The following NUDT1 variants were observed in gnomAD, a reference collection of about 807,000 sequenced individuals.
NUDT1 encodes the protein nudix hydrolase 1, also known as oxidized purine nucleoside triphosphate hydrolase.
A neutral mutation model predicts 11.3 loss-of-function variants in NUDT1; 16 were observed. The observed-to-expected ratio is 1.41, with a 90% confidence interval of 0.96 to 2.15. NUDT1 has a LOEUF of 2.15. NUDT1 is among the 30% of genes most tolerant of loss of function. The probability of loss-of-function intolerance (pLI) is 0.00; values close to 1 mark genes in which losing one functional copy is unlikely to be tolerated. For missense variants in NUDT1, 234 were observed against 208.4 expected (o/e 1.12, Z -0.76); for synonymous variants, 101 against 84.4 (o/e 1.20, Z -1.08).
At position 2,244,679 on chromosome 7, in the gene NUDT1, TG is replaced by T. The variant is rs1466147915; in HGVS notation, c.110del (p.Gly37AlafsTer23). ...TCGGGGCCGGCCGGTGGAATGGCTT[TG>T]GGGGCAAAGTGCAAGAAGGAGAGAC... ...GFGAGRWNGF[G>X]GKVQEGETIE... On this transcript the variant is annotated frameshift_variant, in exon 2 of 4. Coordinates refer to ENST00000356714, the MANE Select transcript of NUDT1 (RefSeq NM_002452.4). LOFTEE classifies it high-confidence loss of function. The T allele has an allele frequency of 6.2e-7, 1 of 1,613,376 alleles. No individual in the cohort carries two copies. The highest frequency in any genetic ancestry group is 1.7e-5 in the Admixed American group (1 of 59,896).
chr7:2,250,940 T>A lies in NUDT1; in HGVS notation c.410T>A (p.Phe137Tyr), dbSNP rs1462602605. 6.2e-7 allele frequency: 1 copy of A among 1,613,784 alleles called. No homozygotes were observed. Among genetic ancestry groups the A allele is most frequent in the Admixed American group, 1.7e-5 (1 of 59,990 alleles). The change falls in exon 4 of 4, where the codon TTC (phenylalanine) becomes TAC (tyrosine). Residue 137 changes from phenylalanine to tyrosine, a missense_variant. Transcript: ENST00000356714. ...LLQKKKFHGY[F>Y]KFQGQDTILD... ...CAGAAGAAGAAATTCCACGGGTACT[T>A]CAAGTTCCAGGGTCAGGACACCATC...
At chr7:2,244,523 G>A (rs374677386) in intron 1 of NUDT1, 40 bp from the exon 2 acceptor site, 34 of 1,303,012 alleles carry the variant, frequency 2.6e-5, no homozygotes, top group South Asian at 3.2e-5. Flanking sequence ...CTTCCTCCAC[G>A]CACGTCATGG....
At chr7:2,244,866 A>C in intron 2 of NUDT1, 140 bp downstream of exon 2, 2 of 988,544 alleles carry the variant, frequency 2.0e-6, no homozygotes, top group South Asian at 3.3e-5. Context: ...CAGTGTCTTC[A>C]TCTCAGAATG....
In NUDT1 at chr7:2,250,986, G is replaced by A. The variant is rs1458407206; in HGVS notation, c.456G>A (p.Glu152=). 3 of 1,613,836 alleles carry A rather than the reference G, an allele frequency of 1.9e-6. No homozygotes were observed. The highest frequency in any genetic ancestry group is 2.5e-6 in the Non-Finnish European group (3 of 1,179,954). The change falls in exon 4 of 4, where the codon GAG becomes GAA. Residue 152 remains glutamate (E), a synonymous_variant. Coordinates refer to ENST00000356714, the MANE Select transcript of NUDT1 (RefSeq NM_002452.4). ...QDTILDYTLR[E]VDTV The stretch of plus-strand genomic sequence containing the variant: ...CCATCCTGGACTACACACTCCGCGA[G>A]GTGGACACGGTCTAGCGGGAGCCCA...
At position 2,244,732 on chromosome 7, in the gene NUDT1, G is replaced by T; in HGVS notation, c.152+6G>T. Reference sequence around the variant, plus strand: ...ATCGAGGATGGGGCTAGGAGGTAAGGATGGGGCAGGTCTGGCCATAGAACC... The same window carrying T: ...ATCGAGGATGGGGCTAGGAGGTAAGTATGGGGCAGGTCTGGCCATAGAACC... On this transcript the variant is annotated splice_donor_region_variant and intron_variant, in intron 2 of 3. Transcript: ENST00000356714. 1 of 1,605,260 alleles carries T rather than the reference G, an allele frequency of 6.2e-7. No individual in the cohort carries two copies. Among genetic ancestry groups the T allele is most frequent in the Non-Finnish European group, 8.5e-7 (1 of 1,176,728 alleles).
intron 2 of NUDT1, among the ~76,000 whole-genome samples, chr7:2,246,712 T>C (rs10232413): frequency 0.91 from 138,826 of 152,202 alleles, 63,629 homozygotes; most frequent in Non-Finnish European, 0.96. Context: ...CTGAATACAG[T>C]GGTGGCTTGC....
intron 3 of NUDT1, among the ~76,000 whole-genome samples, chr7:2,250,454 T>G (rs1169692648): frequency 6.6e-6 from 1 of 151,952 alleles, no homozygotes; most frequent in African/African-American, 2.4e-5. Context: ...CATGGTTTTG[T>G]TGTTGTTGCT....
rs34680293 is a variant in NUDT1, at chr7:2,245,368, AGAG to A, written c.152+646_152+648del. Among the ~76,000 whole-genome samples, 106 of 152,268 alleles carry A rather than the reference AGAG, an allele frequency of 7.0e-4. No homozygotes were observed. The Middle Eastern group carries it at 0.01, about 15-fold the overall frequency. On this transcript the variant is annotated intron_variant, in intron 2 of 3. Coordinates refer to ENST00000356714, the MANE Select transcript of NUDT1 (RefSeq NM_002452.4). ...GAGAAAGGTAGGCCAGCTTGCCTGG[AGAG>A]GAGAACTACAGAGTAAAGAGGGTCC... is the stretch of plus-strand genomic sequence containing the variant.
rs778810753 is a variant in NUDT1 at position 2,250,005 on chromosome 7, G to A, written c.298+3G>A. On this transcript the variant is annotated splice_donor_region_variant and intron_variant, in intron 3 of 3. Transcript: ENST00000356714. Reference sequence around the variant, plus strand: ...GGGGACCCCCGTGGAGAGCGACGGTGAGTCTCACAGGGCCTGCTCCCCCTC... The same window carrying A: ...GGGGACCCCCGTGGAGAGCGACGGTAAGTCTCACAGGGCCTGCTCCCCCTC... 2.5e-6 allele frequency: 4 copies of A among 1,613,912 alleles called. No individual in the cohort carries two copies. The South Asian group carries it at 3.3e-5, about 13-fold the overall frequency.
rs1794585209 is a variant in NUDT1 at position 2,242,453 on chromosome 7, G to A, written c.-13+197G>A. 8.1e-6 allele frequency: 4 copies of A among 492,762 alleles called. No homozygotes were observed. In the South Asian group the frequency reaches 8.8e-5, roughly 11 times the overall value. 30.5% of individuals were successfully genotyped at this position (492,762 alleles called of 1,614,324 possible). ...AGCGGGGCCGGGGGTTTGGGAGAGA[G>A]ACAAGGAGAGCGGGGCGGAGGCTTG... On this transcript the variant is annotated intron_variant, in intron 1 of 3. Transcript: ENST00000356714.
chr7:2,250,521 A>C (rs1028023151), intron 3 of NUDT1, among the ~76,000 whole-genome samples: 1 of 152,166 alleles, frequency 6.6e-6, no homozygotes, highest in African/African-American at 2.4e-5. Context: ...GCAATGGCGC[A>C]ATCTCGGCTC....
At chr7:2,247,815 A>G (rs1794829443) in intron 2 of NUDT1, among the ~76,000 whole-genome samples, 1 of 152,232 alleles carries the variant, frequency 6.6e-6, no homozygotes, top group African/African-American at 2.4e-5. Flanking sequence ...AAAATCAGTC[A>G]CAATATCCCA....
chr7:2,247,238 G>A (rs1017844208), intron 2 of NUDT1, among the ~76,000 whole-genome samples: 3 of 152,122 alleles, frequency 2.0e-5, no homozygotes, highest in East Asian at 3.9e-4. Flanking sequence ...CTTTATCCAC[G>A]CAATACCCAG....
In NUDT1 at chr7:2,249,837, C is replaced by G. The variant is rs1794907448; in HGVS notation, c.153-20C>G. 6.2e-7 allele frequency: 1 copy of G among 1,611,488 alleles called. No individual in the cohort carries two copies. Reference sequence around the variant, plus strand: ...ACCATGCCCTGACGGCCTCCCTCCCCTGCCCACCTCTGCCCGCAGGGAGCT... The same window carrying G: ...ACCATGCCCTGACGGCCTCCCTCCCGTGCCCACCTCTGCCCGCAGGGAGCT... On this transcript the variant is annotated intron_variant, in intron 2 of 3. Coordinates refer to ENST00000356714, the MANE Select transcript of NUDT1 (RefSeq NM_002452.4).
At position 2,250,489 on chromosome 7, in the gene NUDT1, GCT is replaced by G. The variant is rs1424123840; in HGVS notation, c.299-337_299-336del. On this transcript the variant is annotated intron_variant, in intron 3 of 3. Coordinates refer to ENST00000356714, the MANE Select transcript of NUDT1 (RefSeq NM_002452.4). The stretch of plus-strand genomic sequence containing the variant: ...TGTTGTTGTTTTGAGACGAAGTCTC[GCT>G]CTGTCGCCCAGGCTGGAGGGCAATG... 7.9e-5 allele frequency among the ~76,000 whole-genome samples: 12 copies of G among 152,346 alleles called. No homozygotes were observed. In the East Asian group the frequency reaches 2.1e-3, roughly 27 times the overall value.
intron 2 of NUDT1, 79 bp from the exon 3 acceptor site, chr7:2,249,778 C>A: frequency 6.3e-7 from 1 of 1,578,406 alleles, no homozygotes; most frequent in East Asian, 2.3e-5. Flanking sequence ...TGTAGATGCC[C>A]AGCTCCTCCT....
chr7:2,244,581 G>A lies in NUDT1; in HGVS notation c.7G>A (p.Ala3Thr), dbSNP rs139296148. MG[A>T]SRLYTLVLVL... ...CTTTCAGAACCCAGGGACCATGGGC[G>A]CCTCCAGGCTCTATACCCTGGTGCT... The change falls in exon 2 of 4, where the codon GCC (alanine) becomes ACC (threonine). Residue 3 changes from alanine (A) to threonine (T), a missense_variant. Transcript: ENST00000356714. 73 of 1,578,266 alleles carry A rather than the reference G, an allele frequency of 4.6e-5. No homozygotes were observed. The Middle Eastern group carries it at 6.8e-4, about 15-fold the overall frequency.
At chr7:2,243,219 G>C (rs1419687927) in intron 1 of NUDT1, among the ~76,000 whole-genome samples, 4 of 152,156 alleles carry the variant, frequency 2.6e-5, no homozygotes, top group Non-Finnish European at 5.9e-5. Context: ...AAACCACTGG[G>C]GTTTTTTTAT....
At chr7:2,242,280 TC>T in intron 1 of NUDT1, 24 bp downstream of exon 1, 4 of 1,116,408 alleles carry the variant, frequency 3.6e-6, no homozygotes, top group East Asian at 3.1e-5. Context: ...GCGCGGGGAT[TC>T]CAGGAGTCGT....
Sources: gnomAD v4.1 joint callset for allele counts (sites outside exome capture counted in the v4.1 genomes callset) on GRCh38, gnomAD v4.1.1 for gene constraint, MANE v1.5 for transcripts, NCBI Gene and HGNC (gene_info 2026-07-23, HGNC 2026-07-21) for gene names.